The following BAIAP2L1 variants were observed in gnomAD, a reference collection of about 807,000 sequenced individuals.
BAIAP2L1 encodes BAR/IMD domain containing adaptor protein 2 like 1, also known as BAR/IMD domain-containing adapter protein 2-like 1.
Under a neutral mutation model 66.3 loss-of-function variants are expected in BAIAP2L1, and 35 were observed. That is an observed-to-expected ratio of 0.53 (90% CI 0.40 to 0.70). The LOEUF is 0.70. Ranked by LOEUF, BAIAP2L1 falls within the 30% of genes least tolerant of loss-of-function variation. The pLI is 0.00. For synonymous variants in BAIAP2L1, 269 were observed against 248.7 expected (o/e 1.08, Z -0.77); for missense variants, 622 against 656.9 (o/e 0.95, Z 0.58).
At chr7:98,306,795 A>G in intron 10 of BAIAP2L1, 1 of 422,066 alleles carries the variant, frequency 2.4e-6, no homozygotes, top group Non-Finnish European at 4.3e-6. Context: ...GCAGCCTCGA[A>G]CTCATGGGCT....
Position 98,400,925 on chromosome 7 carries a change from G to C in BAIAP2L1, c.-73C>G, listed in dbSNP as rs1803355911. On this transcript the variant is annotated 5_prime_UTR_variant, in exon 1 of 14. Transcript: ENST00000005260. Reference sequence around the variant, plus strand: ...CGTGGCCGCCGGACTCCGGGCAGCGGGAGGGCCGGGGCGCGACTAAGGGGC... The same window carrying C: ...CGTGGCCGCCGGACTCCGGGCAGCGCGAGGGCCGGGGCGCGACTAAGGGGC... The C allele has an allele frequency of 7.8e-6, 11 of 1,410,910 alleles. No homozygotes were observed. In the South Asian group the frequency reaches 1.3e-4, roughly 17 times the overall value. 87.4% of individuals were successfully genotyped at this position (1,410,910 alleles called of 1,614,324 possible). A position where few individuals can be genotyped will look rare whatever the true frequency, so the allele number is the denominator to read the frequency against.
At chr7:98,346,139 C>T (rs1801868822) in intron 3 of BAIAP2L1, among the ~76,000 whole-genome samples, 1 of 151,928 alleles carries the variant, frequency 6.6e-6, no homozygotes, top group Non-Finnish European at 1.5e-5. Context: ...TCTCAAGCTG[C>T]TATAAAAATA....
chr7:98,349,300 C>T (rs1020341373), intron 3 of BAIAP2L1, among the ~76,000 whole-genome samples: 6 of 152,174 alleles, frequency 3.9e-5, no homozygotes, highest in Admixed American at 6.5e-5. Context: ...GTGCCCGGCA[C>T]GCGGTGGACA....
intron 3 of BAIAP2L1, among the ~76,000 whole-genome samples, chr7:98,334,676 G>A (rs1380270049): frequency 3.3e-5 from 5 of 151,684 alleles, no homozygotes; most frequent in East Asian, 2.0e-4. Flanking sequence ...CGAGTAGCTG[G>A]GACTGACTAT....
rs1485379684 is a variant in BAIAP2L1, at chr7:98,312,333, C to G, written c.640-69G>C. On this transcript the variant is annotated intron_variant, in intron 7 of 13. Transcript: ENST00000005260. ...TGAAGAGCTGAGAAAAATGACATCA[C>G]GTCATATCGCTGATAACAGATTACT... The G allele has an allele frequency of 5.4e-6, 8 of 1,479,146 alleles. No individual in the cohort carries two copies. In the African/African-American group the frequency reaches 9.9e-5, roughly 18 times the overall value. 91.6% of individuals were successfully genotyped at this position (1,479,146 alleles called of 1,614,324 possible).
At chr7:98,376,675 A>C (rs561372955) in intron 1 of BAIAP2L1, among the ~76,000 whole-genome samples, 23 of 148,958 alleles carry the variant, frequency 1.5e-4, no homozygotes, top group South Asian at 2.1e-4. Context: ...AAAAAAAAAA[A>C]CACACAAAAA....
intron 11 of BAIAP2L1, among the ~76,000 whole-genome samples, chr7:98,305,128 T>A (rs1231130589): frequency 6.9e-6 from 1 of 144,380 alleles, no homozygotes; most frequent in African/African-American, 2.6e-5. Context: ...TGATCTCAGG[T>A]GATCTGCCCG....
intron 11 of BAIAP2L1, among the ~76,000 whole-genome samples, chr7:98,305,670 G>A (rs936832793): frequency 6.6e-6 from 1 of 152,092 alleles, no homozygotes; most frequent in Non-Finnish European, 1.5e-5. Context: ...TAATCCTCCT[G>A]CCTCCATCTC....
rs146202849 is a variant in BAIAP2L1, at chr7:98,293,513, C to T, written c.*8G>A. Reference sequence around the variant, plus strand: ...CGGAGAGGCCCGGGAGAGTCCTTGGCTGTCCTCTCATCGAATGATGGGTGC... The same window carrying T: ...CGGAGAGGCCCGGGAGAGTCCTTGGTTGTCCTCTCATCGAATGATGGGTGC... On this transcript the variant is annotated 3_prime_UTR_variant, in exon 14 of 14. Coordinates refer to ENST00000005260, the MANE Select transcript of BAIAP2L1 (RefSeq NM_018842.5). The T allele has an allele frequency of 2.2e-3, 3,473 of 1,611,934 alleles. 8 individuals are homozygous for T. Among genetic ancestry groups the T allele is most frequent in the Non-Finnish European group, 2.8e-3 (3,279 of 1,178,718 alleles).
intron 3 of BAIAP2L1, among the ~76,000 whole-genome samples, chr7:98,328,679 CAAAAA>C (rs1158387861): frequency 1.8e-5 from 1 of 56,668 alleles, no homozygotes. Flanking sequence ...GATCCCATCT[CAAAAA>C]AAAAAAAAAA....
At chr7:98,334,768 A>T (rs1403830789) in intron 3 of BAIAP2L1, among the ~76,000 whole-genome samples, 23 of 150,850 alleles carry the variant, frequency 1.5e-4, no homozygotes, top group African/African-American at 4.9e-4. Flanking sequence ...CTGGTCTCGA[A>T]CTCCTGACCT....
rs376279313 is a variant in BAIAP2L1 at position 98,320,047 on chromosome 7, C to T, written c.348+11G>A. Reference sequence around the variant, plus strand: ...CCCAAGGCTGGGGCTGGAGGAAAACCATGCACTTACGTTCATATATTTCAC... The same window carrying T: ...CCCAAGGCTGGGGCTGGAGGAAAACTATGCACTTACGTTCATATATTTCAC... On this transcript the variant is annotated intron_variant, in intron 5 of 13. Transcript: ENST00000005260. 2 of 1,609,932 alleles carry T rather than the reference C, an allele frequency of 1.2e-6. No individual in the cohort carries two copies. Among genetic ancestry groups the T allele is most frequent in the Non-Finnish European group, 1.7e-6 (2 of 1,177,612 alleles).
In BAIAP2L1 at chr7:98,293,414, G is replaced by A. The variant is rs1314340865; in HGVS notation, c.*107C>T. ...GCTTAAGCAGGCGACATTAGAGTTA[G>A]GCCTCTCCACTGAAGCTTCCCGACC... On this transcript the variant is annotated 3_prime_UTR_variant, in exon 14 of 14. Coordinates refer to ENST00000005260, the MANE Select transcript of BAIAP2L1 (RefSeq NM_018842.5). The A allele has an allele frequency of 8.9e-6, 9 of 1,015,610 alleles. No individual in the cohort carries two copies. The Admixed American group carries it at 1.6e-4, about 18-fold the overall frequency. The allele number at this position is 1,015,610 out of a possible 1,614,324, so 62.9% of individuals were successfully genotyped here.
intron 3 of BAIAP2L1, among the ~76,000 whole-genome samples, chr7:98,347,325 G>A (rs1050105100): frequency 6.6e-6 from 1 of 152,080 alleles, no homozygotes; most frequent in African/African-American, 2.4e-5. Context: ...GACAGTGAGT[G>A]CGTTTTTAAC....
intron 1 of BAIAP2L1, chr7:98,399,935 TAAG>T (rs1803313223): frequency 6.6e-6 from 1 of 152,140 alleles, no homozygotes; most frequent in Non-Finnish European, 1.5e-5. Flanking sequence ...AGGAAGGGTC[TAAG>T]GAGGAGGGCG....
intron 3 of BAIAP2L1, among the ~76,000 whole-genome samples, chr7:98,354,733 G>A (rs1802080862): frequency 6.6e-6 from 1 of 152,146 alleles, no homozygotes; most frequent in African/African-American, 2.4e-5. Flanking sequence ...CAGGAGGCCC[G>A]GCTCGCCCAT....
chr7:98,307,350 C>T (rs1562967240), intron 10 of BAIAP2L1: 12 of 1,092,532 alleles, frequency 1.1e-5, no homozygotes, highest in Non-Finnish European at 1.4e-5. Context: ...AGGTGATCTG[C>T]CCGCCTTAGC....
intron 1 of BAIAP2L1, among the ~76,000 whole-genome samples, chr7:98,370,804 T>G (rs2115761663): frequency 6.6e-6 from 1 of 152,202 alleles, no homozygotes; most frequent in Non-Finnish European, 1.5e-5. Flanking sequence ...CCTGGCCAAT[T>G]TTGGTCTTTC....
intron 2 of BAIAP2L1, among the ~76,000 whole-genome samples, chr7:98,360,159 G>A (rs2115718073): frequency 1.3e-5 from 2 of 150,600 alleles, no homozygotes; most frequent in South Asian, 4.3e-4. Context: ...CTGACCTCAG[G>A]TGATCTGCCC....
Sources: allele counts gnomAD v4.1 joint callset (sites outside exome capture counted in the v4.1 genomes callset), GRCh38; gene constraint gnomAD v4.1.1; transcripts MANE v1.5; gene names NCBI Gene and HGNC (gene_info 2026-07-23, HGNC 2026-07-21).